MTMR11: variants seen among roughly 807,000 people sequenced by gnomAD.
MTMR11 encodes myotubularin-related protein 11.
A neutral mutation model predicts 100.0 loss-of-function variants in MTMR11; 89 were observed. The ratio of observed to expected loss-of-function variants is 0.89; its 90% CI spans 0.75 to 1.06. The LOEUF (loss-of-function observed/expected upper bound fraction) is 1.06, where lower values mean the gene tolerates loss of function less well. MTMR11 is among the 50% of genes least tolerant of loss of function. The pLI is 0.00. For missense variants in MTMR11, 809 were observed against 873.7 expected, an observed-to-expected ratio of 0.93 and a Z score of 0.93; for synonymous variants, 336 against 326.3, an observed-to-expected ratio of 1.03 and a Z score of -0.32.
chr1:149,931,052 A>G, intron 13 of MTMR11, 87 bp from the exon 14 acceptor site: 1 of 1,401,198 alleles, frequency 7.1e-7, no homozygotes, highest in Non-Finnish European at 9.6e-7. Context: ...GAACACAGGG[A>G]ATAGGGGGAA....
intron 1 of MTMR11, 100 bp from the exon 2 acceptor site, chr1:149,936,329 G>A (rs587722695): frequency 1.3e-6 from 2 of 1,543,256 alleles, no homozygotes; most frequent in Admixed American, 2.2e-5. Context: ...CACTCTCGGG[G>A]GAAACTGAGA....
chr1:149,935,085 C>A lies in MTMR11; in HGVS notation c.369G>T (p.Leu123=). Residue 123 remains leucine (L), a synonymous_variant, in exon 5 of 17, where the codon CTG becomes CTT. Transcript: ENST00000439741. The stretch of plus-strand genomic sequence containing the variant: ...GAATCTCCTCAGGGATAAATTTATG[C>A]AGGGACCCTGGACGGAGGAGCTGGA... The part of the protein sequence containing the change: ...SRVQLLRPGS[L]HKFIPEEILI... The A allele has an allele frequency of 6.2e-7, 1 of 1,614,176 alleles. No individual in the cohort carries two copies. Among genetic ancestry groups the A allele is most frequent in the Non-Finnish European group, 8.5e-7 (1 of 1,180,030 alleles).
intron 15 of MTMR11, 182 bp from the exon 16 acceptor site, chr1:149,930,098 T>TC: frequency 1.3e-6 from 1 of 742,106 alleles, no homozygotes; most frequent in Admixed American, 2.9e-5. Context: ...TCGGGACTGA[T>TC]TAAGGTTGAT....
At position 149,930,840 on chromosome 1, in the gene MTMR11, A is replaced by G. The variant is rs1489805420; in HGVS notation, c.1416T>C (p.Leu472=). Residue 472 remains leucine (L), a synonymous_variant, in exon 14 of 17, where the codon CTT becomes CTC. Transcript: ENST00000439741. ...CCCAGGGGGTATTTCTCAGGAAGGT[A>G]AGGGTGTCAGGAACCCTGACACTGT... ...LHDSVRVPDT[L]TFLRNTPWER... 1.2e-6 allele frequency: 2 copies of G among 1,607,562 alleles called. No individual in the cohort carries two copies. The highest frequency in any genetic ancestry group is 1.3e-5 in the African/African-American group (1 of 74,490).
At chr1:149,934,566 G>T (rs1039569445) in intron 5 of MTMR11, 40 bp from the exon 6 acceptor site, 2 of 1,592,110 alleles carry the variant, frequency 1.3e-6, no homozygotes, top group African/African-American at 2.7e-5. Flanking sequence ...GGCTTAGGCT[G>T]AGTAAGTGAA....
intron 4 of MTMR11, 38 bp downstream of exon 4, chr1:149,935,261 C>T (rs2092707586): frequency 6.2e-7 from 1 of 1,608,748 alleles, no homozygotes; most frequent in South Asian, 1.1e-5. Context: ...TTCCAACAAC[C>T]CCAGTGAACC....
rs141272997 is a variant in MTMR11 at position 149,929,885 on chromosome 1, G to A, written c.1679C>T (p.Ser560Phe). 633 of 1,613,482 alleles carry A rather than the reference G, an allele frequency of 3.9e-4. 2 individuals are homozygous for A. The African/African-American group carries it at 7.2e-3, about 18-fold the overall frequency. ...TGCTCCTCTAGAGAAGAGCCACACAGAACTGGGGGGTCCAGGAACCATGAA... is the reference window on the plus strand; with the variant it reads ...TGCTCCTCTAGAGAAGAGCCACACAAAACTGGGGGGTCCAGGAACCATGAA... ...PSFMVPGPPS[S>F]VWLFSRGALT... Residue 560 changes from serine (S) to phenylalanine (F), a missense_variant, in exon 16 of 17, where the codon TCT becomes TTT. Ser to Phe is a radical substitution (Grantham distance 155, BLOSUM62 -2). Transcript: ENST00000439741.
chr1:149,930,756 A>G (rs587731263), intron 14 of MTMR11, 36 bp downstream of exon 14: 10 of 1,502,978 alleles, frequency 6.7e-6, no homozygotes, highest in South Asian at 4.1e-5. Context: ...ATCTCAATGG[A>G]AAAAAAAACA....
In MTMR11 at chr1:149,929,107, AAAG is replaced by A. The variant is rs1446267805; in HGVS notation, c.*19_*21del. On this transcript the variant is annotated 3_prime_UTR_variant, in exon 17 of 17. Coordinates refer to ENST00000439741, the MANE Select transcript of MTMR11 (RefSeq NM_001145862.2). ...AAGTGCAGATACAAAAAAAAAAAAA[AAAG>A]ATTAGACAGAACCCTCCTCTACCCC... 2 of 1,568,690 alleles carry A rather than the reference AAAG, an allele frequency of 1.3e-6. No homozygotes were observed. The highest frequency in any genetic ancestry group is 2.8e-5 in the African/African-American group (2 of 72,386).
At chr1:149,936,281 A>T in intron 1 of MTMR11, 52 bp from the exon 2 acceptor site, 1 of 1,608,318 alleles carries the variant, frequency 6.2e-7, no homozygotes, top group Non-Finnish European at 8.5e-7. Flanking sequence ...AGGCTCCCCA[A>T]CTCCCCAGAG....
At chr1:149,932,358 G>A (rs1239247074) in intron 10 of MTMR11, 28 bp from the exon 11 acceptor site, 20 of 1,581,828 alleles carry the variant, frequency 1.3e-5, no homozygotes, top group Non-Finnish European at 1.7e-5. Context: ...GATCAGAAGG[G>A]CAAGAGATTA....
chr1:149,935,198 A>G (rs978752336), intron 4 of MTMR11, 70 bp from the exon 5 acceptor site: 83 of 1,606,908 alleles, frequency 5.2e-5, no homozygotes, highest in Non-Finnish European at 6.6e-5. Flanking sequence ...CTTGCAGCCC[A>G]TCCCACTCCA....
At chr1:149,930,224 G>T in intron 15 of MTMR11, 141 bp downstream of exon 15, 2 of 908,594 alleles carry the variant, frequency 2.2e-6, no homozygotes, top group Non-Finnish European at 3.4e-6. Context: ...GGACACCCAG[G>T]GACTATAAGT....
rs1194614718 is a variant in MTMR11, at chr1:149,934,495, T to C, written c.500A>G (p.Gln167Arg). ...CGAATACTGTTGGGCTTGATTGCTC[T>C]GAGCTCTGGCTTGGACAATGGCCAT... ...VTMAIVQARA[Q>R]SNQAQQYSGI... Residue 167 changes from glutamine to arginine, a missense_variant, in exon 6 of 17, where the codon CAG becomes CGG. Coordinates refer to ENST00000439741, the MANE Select transcript of MTMR11 (RefSeq NM_001145862.2). 1 of 1,614,128 alleles carries C rather than the reference T, an allele frequency of 6.2e-7. No homozygotes were observed. Among genetic ancestry groups the C allele is most frequent in the Non-Finnish European group, 8.5e-7 (1 of 1,180,046 alleles).
chr1:149,929,453 G>T, intron 16 of MTMR11, 136 bp from the exon 17 acceptor site: 1 of 1,169,754 alleles, frequency 8.5e-7, no homozygotes, highest in Non-Finnish European at 1.2e-6. Flanking sequence ...TAAGCCACAA[G>T]CACTTTCCCG....
At chr1:149,931,671 A>G in intron 12 of MTMR11, 1 of 581,220 alleles carries the variant, frequency 1.7e-6, no homozygotes, top group Non-Finnish European at 3.0e-6. Context: ...CAATTCTCAA[A>G]CCAGCTTCCA....
Position 149,934,339 on chromosome 1 carries a change from T to G in MTMR11, c.548-13A>C. The G allele has an allele frequency of 1.2e-6, 2 of 1,614,028 alleles. No homozygotes were observed. Among genetic ancestry groups the G allele is most frequent in the Non-Finnish European group, 1.7e-6 (2 of 1,179,976 alleles). ...CCAGAACCCTGGCCTAGAACAGGAG[T>G]GAGACATAGAGGAGGAAGGAGAAAA... On this transcript the variant is annotated splice_polypyrimidine_tract_variant and intron_variant, in intron 6 of 16. Coordinates refer to ENST00000439741, the MANE Select transcript of MTMR11 (RefSeq NM_001145862.2).
rs587764831 is a variant in MTMR11, at chr1:149,931,529, A to G, written c.1124-103T>C. 4.4e-6 allele frequency: 5 copies of G among 1,128,740 alleles called. No homozygotes were observed. In the South Asian group the frequency reaches 8.0e-5, roughly 18 times the overall value. 69.9% of individuals were successfully genotyped at this position (1,128,740 alleles called of 1,614,324 possible). ...CGGCAAGGAGAAGTGAGAGGCACAG[A>G]GGGGAAAGGTTTGGGGTAGGAGGAT... On this transcript the variant is annotated intron_variant, in intron 12 of 16. Coordinates refer to ENST00000439741, the MANE Select transcript of MTMR11 (RefSeq NM_001145862.2).
chr1:149,931,660 A>G (rs2092662552), intron 12 of MTMR11: 2 of 582,960 alleles, frequency 3.4e-6, no homozygotes, highest in East Asian at 5.7e-5. Context: ...GGGCAGAATC[A>G]CAATTCTCAA....
Sources: allele counts gnomAD v4.1 joint callset, GRCh38; gene constraint gnomAD v4.1.1; transcripts MANE v1.5; gene names NCBI Gene and HGNC (gene_info 2026-07-23, HGNC 2026-07-21).